JAM2: variants seen among roughly 807,000 people sequenced by gnomAD.
JAM2 encodes the protein junctional adhesion molecule B.
Under a neutral mutation model 42.0 loss-of-function variants are expected in JAM2, and 17 were observed. The observed-to-expected ratio is 0.40, with a 90% CI of 0.28 to 0.61. JAM2 has a LOEUF of 0.61. Ranked by LOEUF, JAM2 falls within the 20% of genes least tolerant of loss-of-function variation. The pLI, the probability that JAM2 is intolerant of heterozygous loss-of-function variation, is 0.37. For synonymous variants in JAM2, 118 were observed against 128.6 expected, an observed-to-expected ratio of 0.92 and a Z score of 0.56; for missense variants, 319 against 358.3, an observed-to-expected ratio of 0.89 and a Z score of 0.89.
intron 8 of JAM2, 143 bp from the exon 9 acceptor site, chr21:25,712,197 G>T: frequency 1.5e-6 from 1 of 680,572 alleles, no homozygotes; most frequent in South Asian, 1.5e-5. Context: ...AATTCAGTAA[G>T]AATTGTCTTT....
rs1201590400 is a variant in JAM2, at chr21:25,694,017, T to C, written c.394+109T>C. 5.9e-6 allele frequency: 6 copies of C among 1,022,472 alleles called. No individual in the cohort carries two copies. In the East Asian group the frequency reaches 1.5e-4, roughly 26 times the overall value. The allele number at this position is 1,022,472 out of a possible 1,614,324, so 63.3% of individuals were successfully genotyped here. On this transcript the variant is annotated intron_variant, in intron 4 of 9. Coordinates refer to ENST00000480456, the MANE Select transcript of JAM2 (RefSeq NM_021219.4). ...AACATGCCAGCATCAACTGGGAGCCTCAACCAGTCAAGTTACAGAGACCAT... is the reference window on the plus strand; with the variant it reads ...AACATGCCAGCATCAACTGGGAGCCCCAACCAGTCAAGTTACAGAGACCAT...
rs1251191255 is a variant in JAM2, at chr21:25,648,425, A to C, written c.67+8537A>C. The stretch of plus-strand genomic sequence containing the variant: ...ATATAGTGCTTTTGGATCCAGAACA[A>C]GTCAGGTTCTTTTGTGCCGTGTGTT... On this transcript the variant is annotated intron_variant, in intron 1 of 9. Transcript: ENST00000480456. 3.3e-5 allele frequency among the ~76,000 whole-genome samples: 5 copies of C among 150,740 alleles called. No homozygotes were observed. The East Asian group carries it at 9.8e-4, about 29-fold the overall frequency.
chr21:25,669,800 T>C (rs979270178), intron 1 of JAM2, among the ~76,000 whole-genome samples: 21 of 152,214 alleles, frequency 1.4e-4, no homozygotes, highest in African/African-American at 4.8e-4. Context: ...AAGACTTAAG[T>C]TGCATTTCTC....
chr21:25,641,470 C>G (rs969503871), intron 1 of JAM2, among the ~76,000 whole-genome samples: 1 of 152,146 alleles, frequency 6.6e-6, no homozygotes, highest in Non-Finnish European at 1.5e-5. Context: ...AAATATAACA[C>G]ATTGTCTCTG....
chr21:25,657,294 G>A (rs190546137), intron 1 of JAM2, among the ~76,000 whole-genome samples: 6 of 152,266 alleles, frequency 3.9e-5, no homozygotes, highest in Middle Eastern at 3.4e-3. Context: ...GATTACAGGC[G>A]TAAGCCACTG....
At chr21:25,688,778 T>C (rs1210807312) in intron 2 of JAM2, among the ~76,000 whole-genome samples, 1 of 152,248 alleles carries the variant, frequency 6.6e-6, no homozygotes, top group Non-Finnish European at 1.5e-5. Flanking sequence ...GCATTCTTTT[T>C]TAACATTCAT....
In JAM2 at chr21:25,655,285, TAAAA is replaced by T. The variant is rs1250302090; in HGVS notation, c.67+15400_67+15403del. Among the ~76,000 whole-genome samples the T allele has an allele frequency of 2.0e-5, 3 of 149,690 alleles. No homozygotes were observed. In the South Asian group the frequency reaches 6.3e-4, roughly 32 times the overall value. ...TGTATATATTTGAAAATTTTCTTAA[TAAAA>T]AACTATTTAAATCCATAAAATAGAA... On this transcript the variant is annotated intron_variant, in intron 1 of 9. Coordinates refer to ENST00000480456, the MANE Select transcript of JAM2 (RefSeq NM_021219.4).
At chr21:25,699,725 A>C (rs1362452157) in intron 5 of JAM2, among the ~76,000 whole-genome samples, 1 of 87,240 alleles carries the variant, frequency 1.1e-5, no homozygotes, top group East Asian at 2.4e-4. Flanking sequence ...TCCGTCTCAA[A>C]AAAAAAAAAA....
intron 2 of JAM2, among the ~76,000 whole-genome samples, chr21:25,688,091 C>G (rs757167037): frequency 6.6e-6 from 1 of 152,094 alleles, no homozygotes; most frequent in Non-Finnish European, 1.5e-5. Context: ...TTGGATAAAC[C>G]ATTTCTCGAC....
At chr21:25,709,782 G>C in intron 8 of JAM2, 1 of 210,840 alleles carries the variant, frequency 4.7e-6, no homozygotes, top group Non-Finnish European at 9.5e-6. Context: ...GAGCAGGCAC[G>C]TCACATGGCA....
intron 2 of JAM2, among the ~76,000 whole-genome samples, chr21:25,689,290 T>C (rs1041990689): frequency 1.3e-5 from 2 of 152,312 alleles, no homozygotes; most frequent in South Asian, 2.1e-4. Flanking sequence ...GTAGAGAAGG[T>C]TGACAAAGAA....
rs569405838 is a variant in JAM2 at position 25,665,912 on chromosome 21, T to C, written c.68-17971T>C. Among the ~76,000 whole-genome samples, 34 of 152,136 alleles carry C rather than the reference T, an allele frequency of 2.2e-4. No individual in the cohort carries two copies. In the East Asian group the frequency reaches 6.4e-3, roughly 29 times the overall value. On this transcript the variant is annotated intron_variant, in intron 1 of 9. Transcript: ENST00000480456. The stretch of plus-strand genomic sequence containing the variant: ...AAAATGAGCCAGGCGTGGTGGTGCA[T>C]GCCTGTGGTTCCAGCTACTCGGGAG...
At chr21:25,696,400 G>A (rs2034035521) in intron 4 of JAM2, among the ~76,000 whole-genome samples, 1 of 152,134 alleles carries the variant, frequency 6.6e-6, no homozygotes, top group Admixed American at 6.5e-5. Context: ...CAGAGAGGGA[G>A]GGAGAGGGAG....
chr21:25,680,789 TG>T (rs1374595935), intron 1 of JAM2, among the ~76,000 whole-genome samples: 5 of 151,708 alleles, frequency 3.3e-5, no homozygotes, highest in African/African-American at 1.2e-4. Flanking sequence ...GATGGATGGA[TG>T]GATGACGATC....
intron 4 of JAM2, among the ~76,000 whole-genome samples, chr21:25,695,116 A>G (rs1203486583): frequency 6.6e-6 from 1 of 152,124 alleles, no homozygotes; most frequent in African/African-American, 2.4e-5. Context: ...TCCTAGGCAG[A>G]GGACCCTGCG....
At chr21:25,646,351 A>C (rs1275916176) in intron 1 of JAM2, among the ~76,000 whole-genome samples, 1 of 152,244 alleles carries the variant, frequency 6.6e-6, no homozygotes, top group African/African-American at 2.4e-5. Flanking sequence ...TTCCCAACCT[A>C]TAAACATGAA....
At chr21:25,647,667 C>T (rs1030708549) in intron 1 of JAM2, among the ~76,000 whole-genome samples, 2 of 152,070 alleles carry the variant, frequency 1.3e-5, no homozygotes, top group African/African-American at 4.8e-5. Flanking sequence ...AACTTCCAAA[C>T]CAGTAACCAA....
chr21:25,682,858 G>C (rs756745822), intron 1 of JAM2, among the ~76,000 whole-genome samples: 2 of 151,874 alleles, frequency 1.3e-5, no homozygotes, highest in Non-Finnish European at 2.9e-5. Context: ...TCCAGAGGCC[G>C]AATACTTCTC....
chr21:25,645,793 A>G (rs2123303898), intron 1 of JAM2, among the ~76,000 whole-genome samples: 1 of 152,330 alleles, frequency 6.6e-6, no homozygotes, highest in African/African-American at 2.4e-5. Flanking sequence ...TATTGCTCCT[A>G]GGCTACAAAC....
Sources: gnomAD v4.1 joint callset for allele counts (sites outside exome capture counted in the v4.1 genomes callset) on GRCh38, gnomAD v4.1.1 for gene constraint, MANE v1.5 for transcripts, NCBI Gene and HGNC (gene_info 2026-07-23, HGNC 2026-07-21) for gene names.